Variants in DIAPH3 observed in about 807,000 individuals in gnomAD.
DIAPH3 encodes the protein diaphanous related formin 3.
Under a neutral mutation model 144.3 loss-of-function variants are expected in DIAPH3, and 117 were observed. That is an observed-to-expected ratio of 0.81 (90% CI 0.70 to 0.95). DIAPH3 has a LOEUF of 0.95. Among genes scored for constraint, DIAPH3 ranks in the 40% least tolerant of loss-of-function variants. The pLI, the probability that DIAPH3 is intolerant of heterozygous loss-of-function variation, is 0.00. For synonymous variants in DIAPH3, 519 were observed against 488.9 expected, an observed-to-expected ratio of 1.06 and a Z score of -0.81; for missense variants, 1,421 against 1,412.7, an observed-to-expected ratio of 1.01 and a Z score of -0.09.
intron 27 of DIAPH3, among the ~76,000 whole-genome samples, chr13:59,681,288 T>C (rs73206699): frequency 1.3e-5 from 2 of 152,098 alleles, no homozygotes; most frequent in Non-Finnish European, 2.9e-5. Context: ...CTGGGCAATA[T>C]AGTAAGACTC....
At chr13:59,887,379 C>T (rs1272598088) in intron 20 of DIAPH3, among the ~76,000 whole-genome samples, 1 of 151,876 alleles carries the variant, frequency 6.6e-6, no homozygotes, top group Non-Finnish European at 1.5e-5. Context: ...TAGTAGATTC[C>T]CTTCTTTGAT....
intron 2 of DIAPH3, among the ~76,000 whole-genome samples, chr13:60,114,609 A>G (rs1328697485): frequency 3.3e-5 from 5 of 151,010 alleles, no homozygotes; most frequent in African/African-American, 4.9e-5. Context: ...CACAGATCCA[A>G]GAAGCTCAGC....
At chr13:60,141,867 T>C (rs2059430584) in intron 1 of DIAPH3, among the ~76,000 whole-genome samples, 1 of 152,198 alleles carries the variant, frequency 6.6e-6, no homozygotes, top group African/African-American at 2.4e-5. Flanking sequence ...ATTTTAAACA[T>C]GGGGAATTGA....
chr13:59,914,275 C>G (rs1034352792), intron 19 of DIAPH3, among the ~76,000 whole-genome samples: 1 of 151,994 alleles, frequency 6.6e-6, no homozygotes, highest in Non-Finnish European at 1.5e-5. Context: ...AGGAATTCTT[C>G]GCATTAAAAT....
At chr13:59,763,177 C>A (rs2037690936) in intron 27 of DIAPH3, among the ~76,000 whole-genome samples, 1 of 151,920 alleles carries the variant, frequency 6.6e-6, no homozygotes. Context: ...CCAAGGGATC[C>A]TTGTTTCCTA....
intron 25 of DIAPH3, among the ~76,000 whole-genome samples, chr13:59,808,329 TTA>T (rs2040297375): frequency 6.6e-6 from 1 of 151,874 alleles, no homozygotes; most frequent in Non-Finnish European, 1.5e-5. Flanking sequence ...AAAAATGAAC[TTA>T]TAAACGCTTT....
chr13:59,915,708 T>C lies in DIAPH3; in HGVS notation c.2265+447A>G, dbSNP rs140280714. Reference sequence around the variant, plus strand: ...AGAATACTATGTAAACAATCTCTAATACTCATAGGAGCCCAAATGACTCTA... The same window carrying C: ...AGAATACTATGTAAACAATCTCTAACACTCATAGGAGCCCAAATGACTCTA... On this transcript the variant is annotated intron_variant, in intron 19 of 27. Coordinates refer to ENST00000400324, the MANE Select transcript of DIAPH3 (RefSeq NM_001042517.2). 5.9e-5 allele frequency among the ~76,000 whole-genome samples: 9 copies of C among 152,194 alleles called. No homozygotes were observed. The East Asian group carries it at 1.5e-3, about 26-fold the overall frequency.
At chr13:59,825,246 T>C (rs1274915884) in intron 24 of DIAPH3, among the ~76,000 whole-genome samples, 1 of 152,108 alleles carries the variant, frequency 6.6e-6, no homozygotes, top group Non-Finnish European at 1.5e-5. Flanking sequence ...GTCCATGTGT[T>C]CTCATTGTTC....
chr13:60,038,439 A>T (rs2055387182), intron 5 of DIAPH3, among the ~76,000 whole-genome samples: 1 of 152,042 alleles, frequency 6.6e-6, no homozygotes, highest in Non-Finnish European at 1.5e-5. Context: ...AACTAGATCA[A>T]CTCCGAAATC....
At chr13:59,741,806 A>G (rs886924686) in intron 27 of DIAPH3, among the ~76,000 whole-genome samples, 8 of 152,182 alleles carry the variant, frequency 5.3e-5, no homozygotes, top group Non-Finnish European at 1.0e-4. Flanking sequence ...TATCATCTTA[A>G]ATAAATTCAA....
At chr13:59,752,511 G>A (rs923803855) in intron 27 of DIAPH3, among the ~76,000 whole-genome samples, 2 of 151,958 alleles carry the variant, frequency 1.3e-5, no homozygotes, top group Non-Finnish European at 2.9e-5. Flanking sequence ...GGGACTACAG[G>A]TGCACACCAG....
intron 8 of DIAPH3, among the ~76,000 whole-genome samples, chr13:60,010,111 T>G (rs2053144553): frequency 6.6e-6 from 1 of 152,152 alleles, no homozygotes; most frequent in African/African-American, 2.4e-5. Flanking sequence ...CTAATCTGCC[T>G]TATATATAGA....
chr13:60,149,752 C>A (rs1392295314), intron 1 of DIAPH3, among the ~76,000 whole-genome samples: 1,106 of 94,976 alleles, frequency 0.012, no homozygotes, highest in East Asian at 0.024. Flanking sequence ...GACACTGTCT[C>A]AAAAAAAAAA....
At chr13:60,019,462 C>T (rs1209787821) in intron 5 of DIAPH3, among the ~76,000 whole-genome samples, 1 of 152,048 alleles carries the variant, frequency 6.6e-6, no homozygotes, top group East Asian at 1.9e-4. Context: ...CTAAATCTAC[C>T]TCTTAAAATT....
intron 27 of DIAPH3, among the ~76,000 whole-genome samples, chr13:59,684,289 G>A (rs1281563860): frequency 2.6e-5 from 4 of 152,142 alleles, no homozygotes; most frequent in African/African-American, 9.7e-5. Context: ...CAAGCTGTAC[G>A]CTTATTGATT....
intron 4 of DIAPH3, among the ~76,000 whole-genome samples, chr13:60,055,902 A>G (rs1425553585): frequency 6.6e-6 from 1 of 151,796 alleles, no homozygotes; most frequent in South Asian, 2.1e-4. Context: ...AATTTTTTGC[A>G]TAGTTATTTT....
chr13:59,673,133 T>C (rs556884489), intron 27 of DIAPH3, among the ~76,000 whole-genome samples: 1 of 152,314 alleles, frequency 6.6e-6, no homozygotes, highest in South Asian at 2.1e-4. Flanking sequence ...ACAACCAGGA[T>C]AGGTTCAGCC....
At chr13:60,136,377 G>T (rs774430814) in intron 1 of DIAPH3, among the ~76,000 whole-genome samples, 3 of 135,878 alleles carry the variant, frequency 2.2e-5, no homozygotes, top group Non-Finnish European at 3.2e-5. Context: ...CTCCAAAAAG[G>T]AAATAGAAAC....
chr13:59,871,200 G>T (rs375141187), intron 21 of DIAPH3, among the ~76,000 whole-genome samples: 4 of 145,212 alleles, frequency 2.8e-5, no homozygotes, highest in South Asian at 2.3e-4. Context: ...TTTTTTGGGG[G>T]GGGGGGTGGC....
Sources: gnomAD v4.1 joint callset for allele counts (sites outside exome capture counted in the v4.1 genomes callset) on GRCh38, gnomAD v4.1.1 for gene constraint, MANE v1.5 for transcripts, NCBI Gene and HGNC (gene_info 2026-07-23, HGNC 2026-07-21) for gene names.